The following TNRC6B variants were observed in gnomAD, a reference collection of about 807,000 sequenced individuals.
TNRC6B encodes the protein trinucleotide repeat containing adaptor 6B, also known as trinucleotide repeat-containing gene 6B protein.
Under a neutral mutation model 203.6 loss-of-function variants are expected in TNRC6B, and 52 were observed. That is an observed-to-expected ratio of 0.26 (90% CI 0.20 to 0.32). The LOEUF (loss-of-function observed/expected upper bound fraction) is 0.32. Among genes scored for constraint, TNRC6B ranks in the 10% least tolerant of loss-of-function variants. The pLI is 1.00. For missense variants in TNRC6B, 1,923 were observed against 2,286.2 expected (o/e 0.84, Z 3.24); for synonymous variants, 838 against 845.7 (o/e 0.99, Z 0.16).
At chr22:40,136,371 T>TGTGTGTGTG (rs2068599012) in intron 3 of TNRC6B, among the ~76,000 whole-genome samples, 1 of 141,118 alleles carries the variant, frequency 7.1e-6, no homozygotes, top group Non-Finnish European at 1.5e-5. Flanking sequence ...TATGTTTATC[T>TGTGTGTGTG]TGTGTGTGTG....
chr22:40,092,977 T>C (rs2068161362), intron 1 of TNRC6B, among the ~76,000 whole-genome samples: 1 of 152,244 alleles, frequency 6.6e-6, no homozygotes, highest in South Asian at 2.1e-4. Context: ...TTGCAACTGG[T>C]GTATGCCACT....
chr22:40,182,501 G>A (rs1194330885), intron 1 of TNRC6B, among the ~76,000 whole-genome samples: 1 of 152,110 alleles, frequency 6.6e-6, no homozygotes, highest in Non-Finnish European at 1.5e-5. Flanking sequence ...GCCAGAAAAG[G>A]GATTTATTTA....
chr22:40,145,172 G>A (rs561043542), intron 3 of TNRC6B, among the ~76,000 whole-genome samples: 1 of 152,192 alleles, frequency 6.6e-6, no homozygotes, highest in Admixed American at 6.5e-5. Context: ...CTTGAATTCG[G>A]GATGTCAAGG....
intron 1 of TNRC6B, among the ~76,000 whole-genome samples, chr22:40,087,706 T>TA (rs571620672): frequency 6.4e-4 from 97 of 152,212 alleles, no homozygotes; most frequent in Non-Finnish European, 1.1e-3. Context: ...GCAAAGGGGC[T>TA]AGCTATGTGT....
chr22:40,106,663 C>T (rs2068286214), intron 1 of TNRC6B: 1 of 752,034 alleles, frequency 1.3e-6, no homozygotes, highest in African/African-American at 1.7e-5. Context: ...ACTCTACAAT[C>T]CTCAGCATGT....
chr22:40,167,637 T>C (rs1257994174), intron 4 of TNRC6B, among the ~76,000 whole-genome samples: 1 of 147,674 alleles, frequency 6.8e-6, no homozygotes, highest in Non-Finnish European at 1.5e-5. Context: ...CCTAGCACTT[T>C]GGGAGACCAA....
chr22:40,312,454 C>T (rs539733541), intron 17 of TNRC6B, 51 bp from the exon 18 acceptor site: 7 of 1,533,870 alleles, frequency 4.6e-6, no homozygotes, highest in African/African-American at 4.1e-5. Flanking sequence ...AGTACTATAT[C>T]ATTTTTTTTT....
Position 40,264,780 on chromosome 22 carries a change from A to G in TNRC6B, c.550A>G (p.Ile184Val), listed in dbSNP as rs201236457. ...CAACAACGGCACCTCCCCCAACCCAATTCACATCTGGGACAAGGTGATTGT... is the reference window on the plus strand; with the variant it reads ...CAACAACGGCACCTCCCCCAACCCAGTTCACATCTGGGACAAGGTGATTGT... ...SSNNGTSPNPIHIWDKVIVDG... is the reference protein window; with the variant it reads ...SSNNGTSPNPVHIWDKVIVDG... Residue 184 changes from isoleucine to valine, a missense_variant, in exon 5 of 23, where the codon ATT becomes GTT. By Grantham distance (29) the Ile-to-Val change is conservative. Transcript: ENST00000454349. 6.1e-5 allele frequency: 98 copies of G among 1,613,792 alleles called. 1 individual carries two copies. Among genetic ancestry groups the G allele is most frequent in the Admixed American group, 4.8e-4 (29 of 59,982 alleles).
intron 1 of TNRC6B, among the ~76,000 whole-genome samples, chr22:40,078,888 A>T (rs2068042234): frequency 6.6e-6 from 1 of 151,882 alleles, no homozygotes. Context: ...AGCCTGCCCA[A>T]CATGGTGAAA....
At chr22:40,102,157 A>C (rs1282247020) in intron 1 of TNRC6B, among the ~76,000 whole-genome samples, 1 of 152,196 alleles carries the variant, frequency 6.6e-6, no homozygotes, top group Non-Finnish European at 1.5e-5. Flanking sequence ...TTTTTAAAAA[A>C]ACATTATATA....
chr22:40,288,834 C>T (rs1435983424), intron 12 of TNRC6B, among the ~76,000 whole-genome samples: 1 of 148,964 alleles, frequency 6.7e-6, no homozygotes, highest in Non-Finnish European at 1.5e-5. Context: ...AGCCACTGTG[C>T]CCAGCTTTTT....
Position 40,214,815 on chromosome 22 carries a change from A to C in TNRC6B, c.6-31200A>C, listed in dbSNP as rs542767456. Among the ~76,000 whole-genome samples, 10 of 152,272 alleles carry C rather than the reference A, an allele frequency of 6.6e-5. No individual in the cohort carries two copies. The South Asian group carries it at 1.7e-3, about 25-fold the overall frequency. On this transcript the variant is annotated intron_variant, in intron 1 of 22. Transcript: ENST00000454349. ...GCGATCCTCCCACCTTGGCCTCCCAAAGTGCTGAGATTACAGGCATGAACC... is the reference window on the plus strand; with the variant it reads ...GCGATCCTCCCACCTTGGCCTCCCACAGTGCTGAGATTACAGGCATGAACC...
chr22:40,104,257 G>GA (rs145571764), intron 1 of TNRC6B, among the ~76,000 whole-genome samples: 20,948 of 151,492 alleles, frequency 0.14, 1,911 homozygotes, highest in South Asian at 0.24. Context: ...TCTCAGGGAA[G>GA]AAAAAAAATG....
chr22:40,170,960 C>T (rs2068988437), intron 4 of TNRC6B, among the ~76,000 whole-genome samples: 2 of 144,518 alleles, frequency 1.4e-5, no homozygotes, highest in African/African-American at 5.1e-5. Context: ...TGTATATATA[C>T]ACACATATAC....
intron 1 of TNRC6B, among the ~76,000 whole-genome samples, chr22:40,197,799 A>G (rs2069361016): frequency 6.6e-6 from 1 of 151,378 alleles, no homozygotes; most frequent in Admixed American, 6.6e-5. Flanking sequence ...TTTAACAGAG[A>G]CAGGGTCTCC....
intron 4 of TNRC6B, among the ~76,000 whole-genome samples, chr22:40,163,534 G>A (rs1456243656): frequency 4.1e-5 from 6 of 147,516 alleles, no homozygotes; most frequent in Admixed American, 2.0e-4. Context: ...AGGCCGAGGC[G>A]GGCAGATCAC....
At chr22:40,215,645 C>G (rs1274172931) in intron 1 of TNRC6B, among the ~76,000 whole-genome samples, 1 of 152,178 alleles carries the variant, frequency 6.6e-6, no homozygotes, top group African/African-American at 2.4e-5. Context: ...GAAGCCTCTT[C>G]CCTTTGTTCC....
rs377064157 is a variant in TNRC6B at position 40,270,224 on chromosome 22, C to T, written c.2909C>T (p.Ala970Val). ...TGGGGCGAGATGGATGATACAGGAG[C>T]ATCGACCACAGGCTGGGGGAACACG... is the stretch of plus-strand genomic sequence containing the variant. ...PGWGEMDDTG[A>V]STTGWGNTPA... Residue 970 changes from alanine to valine, a missense_variant, in exon 6 of 23, where the codon GCA becomes GTA. Physicochemically the swap from Ala to Val is moderately conservative, Grantham distance 64. Transcript: ENST00000454349. 1.3e-6 allele frequency: 2 copies of T among 1,529,368 alleles called. No individual in the cohort carries two copies. The highest frequency in any genetic ancestry group is 1.8e-6 in the Non-Finnish European group (2 of 1,134,066). 94.7% of individuals were successfully genotyped at this position (1,529,368 alleles called of 1,614,324 possible). A position where few individuals can be genotyped will look rare whatever the true frequency, so the allele number is the denominator to read the frequency against.
intron 1 of TNRC6B, among the ~76,000 whole-genome samples, chr22:40,057,292 G>GTTTTTTTTTTTT (rs398037161): frequency 7.7e-6 from 1 of 130,018 alleles, no homozygotes; most frequent in South Asian, 2.4e-4. Flanking sequence ...AATATGCCAG[G>GTTTTTTTTTTTT]TTTTTTTTTT....
Sources: allele counts gnomAD v4.1 joint callset (sites outside exome capture counted in the v4.1 genomes callset), GRCh38; gene constraint gnomAD v4.1.1; transcripts MANE v1.5; gene names NCBI Gene and HGNC (gene_info 2026-07-23, HGNC 2026-07-21).